The following IFRD1 variants were observed in gnomAD, a reference collection of about 807,000 sequenced individuals.
IFRD1 encodes the protein interferon-related developmental regulator 1.
In IFRD1, 35 loss-of-function variants were observed where a neutral mutation model predicts 52.9. The observed-to-expected ratio is 0.66, with a 90% CI of 0.51 to 0.88. IFRD1 has a LOEUF of 0.88. Among genes scored for constraint, IFRD1 ranks in the 40% least tolerant of loss-of-function variants. IFRD1 has a pLI of 0.00. For synonymous variants in IFRD1, 184 were observed against 188.4 expected (o/e 0.98, Z 0.19); for missense variants, 517 against 550.8 (o/e 0.94, Z 0.61).
Position 112,475,592 on chromosome 7 carries a change from C to A in IFRD1, c.*73C>A, listed in dbSNP as rs1584506880. On this transcript the variant is annotated 3_prime_UTR_variant, in exon 12 of 12. Transcript: ENST00000403825. ...TTTCAATGTATTTAAACTCTAGACA[C>A]AGTTTTTATCCTGGATTAACTTAGA... 6 of 896,382 alleles carry A rather than the reference C, an allele frequency of 6.7e-6. No individual in the cohort carries two copies. The highest frequency in any genetic ancestry group is 1.1e-5 in the Non-Finnish European group (6 of 562,898). 55.5% of individuals were successfully genotyped at this position (896,382 alleles called of 1,614,324 possible).
Position 112,438,862 on chromosome 7 carries a change from A to G in IFRD1, c.-181-11646A>G, listed in dbSNP as rs186201626. 3.5e-3 allele frequency among the ~76,000 whole-genome samples: 534 copies of G among 152,334 alleles called. 3 individuals carry two copies. The highest frequency in any genetic ancestry group is 0.012 in the African/African-American group (513 of 41,580). ...TTGTTTAGAAGGAAAACTACCATTC[A>G]TGAATCATTGACCTGAGCATAATGA... On this transcript the variant is annotated intron_variant, in intron 1 of 12. Transcript: ENST00000005558.
chr7:112,427,195 A>T (rs1017632994), intron 1 of IFRD1, among the ~76,000 whole-genome samples: 1 of 152,230 alleles, frequency 6.6e-6, no homozygotes, highest in Admixed American at 6.5e-5. Context: ...CACTGTCATA[A>T]CAAACCGACT....
At position 112,475,504 on chromosome 7, in the gene IFRD1, T is replaced by C. The variant is rs779404748; in HGVS notation, c.1341T>C (p.Val447=). The change falls in exon 12 of 12, where the codon GTT becomes GTC. Residue 447 remains valine (V), a synonymous_variant. Transcript: ENST00000403825. ...AATGTCGAGATAAGAGAGCAGATGTTGGAGAATTCTTCTAGATTTTCAGAA... is the reference window on the plus strand; with the variant it reads ...AATGTCGAGATAAGAGAGCAGATGTCGGAGAATTCTTCTAGATTTTCAGAA... The part of the protein sequence containing the change: ...RSKCRDKRAD[V]GEFF 1 of 1,602,852 alleles carries C rather than the reference T, an allele frequency of 6.2e-7. No individual in the cohort carries two copies. Among genetic ancestry groups the C allele is most frequent in the South Asian group, 1.1e-5 (1 of 90,514 alleles).
chr7:112,452,382 C>A, intron 1 of IFRD1: 2 of 741,344 alleles, frequency 2.7e-6, no homozygotes, highest in South Asian at 1.2e-4. Flanking sequence ...GTCACGAGTC[C>A]CTCGTCCCCA....
At chr7:112,447,674 G>T (rs1795061351), upstream of IFRD1, among the ~76,000 whole-genome samples, 1 of 152,092 alleles carries the variant, frequency 6.6e-6, no homozygotes, top group African/African-American at 2.4e-5. Flanking sequence ...TCTGGTATTT[G>T]TAATCATTTA....
At position 112,443,876 on chromosome 7, in the gene IFRD1, A is replaced by C. The variant is rs536863489; in HGVS notation, c.-181-6632A>C. 1.6e-3 allele frequency among the ~76,000 whole-genome samples: 237 copies of C among 151,362 alleles called. 3 individuals carry two copies. Among genetic ancestry groups the C allele is most frequent in the African/African-American group, 5.2e-3 (215 of 41,228 alleles). ...AAACTCTGTTTCAAAAAAAAAAAAA[A>C]ACCCAAAAAACAAACACCATCCCCC... On this transcript the variant is annotated intron_variant, in intron 1 of 12. Coordinates refer to the IFRD1 transcript ENST00000005558.
At chr7:112,432,705 T>C (rs977101507) in intron 1 of IFRD1, among the ~76,000 whole-genome samples, 1 of 152,202 alleles carries the variant, frequency 6.6e-6, no homozygotes, top group Non-Finnish European at 1.5e-5. Flanking sequence ...TCAGAGCCCA[T>C]GCTGCTTCCA....
At chr7:112,449,676 G>C (rs142914199), upstream of IFRD1, among the ~76,000 whole-genome samples, 1,059 of 152,320 alleles carry the variant, frequency 7.0e-3, 20 homozygotes, top group African/African-American at 0.024. Flanking sequence ...TGTTTTACCA[G>C]CTGTGAAATT....
upstream of IFRD1, chr7:112,450,397 C>G (rs1240122584): frequency 6.4e-6 from 3 of 467,154 alleles, no homozygotes; most frequent in African/African-American, 6.0e-5. Context: ...GCTCAAGCCC[C>G]GCCCACAGAG....
chr7:112,456,191 G>C (rs546312440), intron 3 of IFRD1, 105 bp downstream of exon 3: 8 of 759,708 alleles, frequency 1.1e-5, no homozygotes, highest in Non-Finnish European at 1.2e-5. Context: ...TACCTTACAT[G>C]TATATAATTT....
rs1474685661 is a variant in IFRD1 at position 112,462,250 on chromosome 7, A to T, written c.798-20A>T. 6.2e-7 allele frequency: 1 copy of T among 1,607,122 alleles called. No individual in the cohort carries two copies. Among genetic ancestry groups the T allele is most frequent in the South Asian group, 1.1e-5 (1 of 90,966 alleles). On this transcript the variant is annotated intron_variant, in intron 7 of 11. Coordinates refer to ENST00000403825, the MANE Select transcript of IFRD1 (RefSeq NM_001550.4). ...ACATAATTGGTTGTATTCACATAGT[A>T]ATGACTAACTATTTTTTAGGCATTT...
chr7:112,450,566 C>T lies in IFRD1; in HGVS notation c.-123C>T, dbSNP rs1043113835. ...CACTCTTACCCCCGCCGCTTCTCGACTCTGTTGTTAGCCGAAGACTCGCCT... is the reference window on the plus strand; with the variant it reads ...CACTCTTACCCCCGCCGCTTCTCGATTCTGTTGTTAGCCGAAGACTCGCCT... On this transcript the variant is annotated 5_prime_UTR_variant, in exon 1 of 12. Transcript: ENST00000403825. The T allele has an allele frequency of 1.9e-5, 14 of 756,196 alleles. No individual in the cohort carries two copies. In the African/African-American group the frequency reaches 2.1e-4, roughly 11 times the overall value. The allele number at this position is 756,196 out of a possible 1,614,324, so 46.8% of individuals were successfully genotyped here.
At chr7:112,451,348 G>C (rs898994444) in intron 1 of IFRD1, among the ~76,000 whole-genome samples, 6 of 152,230 alleles carry the variant, frequency 3.9e-5, no homozygotes, top group African/African-American at 1.4e-4. Flanking sequence ...AGGCGAAGGC[G>C]TCGGAGGCGG....
chr7:112,450,358 G>A (rs918474666), upstream of IFRD1: 5 of 348,276 alleles, frequency 1.4e-5, no homozygotes, highest in South Asian at 1.1e-4. Flanking sequence ...GCGTCCAGTG[G>A]GGAGGTGTGC....
In IFRD1 at chr7:112,462,319, A is replaced by C. The variant is rs1243467841; in HGVS notation, c.847A>C (p.Arg283=). Residue 283 remains arginine (R), a synonymous_variant, in exon 8 of 12, where the codon AGA becomes CGA. Transcript: ENST00000403825. ...CCTCTCTTGTGATGATGTAAACATG[A>C]GAATAGCTGCTGGTGAATCTTTGGC... ...SLLSCDDVNM[R]IAAGESLALL... is the part of the protein sequence containing the mutation. 1.9e-6 allele frequency: 3 copies of C among 1,613,826 alleles called. No homozygotes were observed. Among genetic ancestry groups the C allele is most frequent in the Admixed American group, 1.7e-5 (1 of 59,942 alleles).
chr7:112,430,274 T>C (rs778407837), intron 1 of IFRD1, among the ~76,000 whole-genome samples: 1 of 152,208 alleles, frequency 6.6e-6, no homozygotes, highest in Non-Finnish European at 1.5e-5. Context: ...TTCCCTTCTG[T>C]TATCCCAAGC....
intron 11 of IFRD1, among the ~76,000 whole-genome samples, chr7:112,474,819 A>G (rs1451195519): frequency 1.3e-5 from 2 of 150,670 alleles, no homozygotes; most frequent in East Asian, 1.9e-4. Context: ...TATTTTCTGC[A>G]TTAGTCATGA....
intron 1 of IFRD1, among the ~76,000 whole-genome samples, chr7:112,425,821 C>G (rs1267013519): frequency 1.3e-5 from 2 of 152,134 alleles, no homozygotes; most frequent in Non-Finnish European, 2.9e-5. Context: ...ACAAAAACAC[C>G]ACCACCTATT....
At position 112,474,968 on chromosome 7, in the gene IFRD1, A is replaced by ATT. The variant is rs762603121; in HGVS notation, c.1267-455_1267-454dup. Among the ~76,000 whole-genome samples the ATT allele has an allele frequency of 7.3e-5, 11 of 151,084 alleles. No homozygotes were observed. In the East Asian group the frequency reaches 7.8e-4, roughly 11 times the overall value. ...ATAGCCATTAACTCTTTATTTATTT[A>ATT]TTTTTTTTGAGACGGAGTCTCGTTC... On this transcript the variant is annotated intron_variant, in intron 11 of 11. Coordinates refer to ENST00000403825, the MANE Select transcript of IFRD1 (RefSeq NM_001550.4).
Sources: allele counts gnomAD v4.1 joint callset (sites outside exome capture counted in the v4.1 genomes callset), GRCh38; gene constraint gnomAD v4.1.1; transcripts MANE v1.5; gene names NCBI Gene and HGNC (gene_info 2026-07-23, HGNC 2026-07-21).